Variants in RBM12B observed in about 807,000 individuals in gnomAD.
The protein encoded by RBM12B is RNA-binding protein 12B.
A neutral mutation model predicts 34.3 loss-of-function variants in RBM12B; 10 were observed. That is an observed-to-expected ratio of 0.29 (90% CI 0.18 to 0.49). The LOEUF is 0.49. Among genes scored for constraint, RBM12B ranks in the 20% least tolerant of loss-of-function variants. The probability of loss-of-function intolerance (pLI) is 0.99; values close to 1 mark genes in which losing one functional copy is unlikely to be tolerated. For missense variants in RBM12B, 1,139 were observed against 1,262.7 expected, an observed-to-expected ratio of 0.90 and a Z score of 1.48; for synonymous variants, 477 against 437.1, an observed-to-expected ratio of 1.09 and a Z score of -1.14.
chr8:93,740,458 G>A (rs1033821312), intron 2 of RBM12B, 171 bp downstream of exon 2: 3 of 457,236 alleles, frequency 6.6e-6, no homozygotes, highest in Non-Finnish European at 1.3e-5. Flanking sequence ...CAACCTCCGT[G>A]CCTTTCCGTT....
rs371531032 is a variant in RBM12B, at chr8:93,739,973, C to A, written c.-78+656G>T. On this transcript the variant is annotated intron_variant, in intron 2 of 3. Coordinates refer to ENST00000520560, the MANE Select transcript of RBM12B (RefSeq NM_001377960.1). ...TAAATAAGTAATATCTCATCAGATC[C>A]ATTTGATTTTTAACTAGCGAAGAAA... 2.6e-4 allele frequency: 77 copies of A among 300,098 alleles called. 1 individual carries two copies. Among genetic ancestry groups the A allele is most frequent in the African/African-American group, 1.5e-3 (70 of 45,512 alleles). The allele number at this position is 300,098 out of a possible 1,614,324, so 18.6% of individuals were successfully genotyped here.
At chr8:93,737,531 T>C (rs1812057880) in intron 2 of RBM12B, among the ~76,000 whole-genome samples, 176 bp from the exon 3 acceptor site, 1 of 152,056 alleles carries the variant, frequency 6.6e-6, no homozygotes, top group Non-Finnish European at 1.5e-5. Flanking sequence ...ATCATCCTTC[T>C]GCAAAAAGGA....
rs569814859 is a variant in RBM12B, at chr8:93,733,395, T to C, written c.*10A>G. The C allele has an allele frequency of 2.0e-6, 3 of 1,509,972 alleles. No homozygotes were observed. Among genetic ancestry groups the C allele is most frequent in the East Asian group, 4.6e-5 (2 of 43,846 alleles). 93.5% of individuals were successfully genotyped at this position (1,509,972 alleles called of 1,614,324 possible). A position where few individuals can be genotyped will look rare whatever the true frequency, so the allele number is the denominator to read the frequency against. ...CAAGGAAGATAACTGAATTTAGAAA[T>C]GCTCTCTCTCTACAGCAAAGTTAAC... On this transcript the variant is annotated 3_prime_UTR_variant, in exon 4 of 4. Coordinates refer to ENST00000520560, the MANE Select transcript of RBM12B (RefSeq NM_001377960.1).
rs527737472 is a variant in RBM12B at position 93,730,521 on chromosome 8, G to A, written c.*2884C>T. 2.6e-5 allele frequency: 4 copies of A among 152,290 alleles called. No homozygotes were observed. The highest frequency in any genetic ancestry group is 9.6e-5 in the African/African-American group (4 of 41,556). 9.4% of individuals were successfully genotyped at this position (152,290 alleles called of 1,614,324 possible). A position where few individuals can be genotyped will look rare whatever the true frequency, so the allele number is the denominator to read the frequency against. On this transcript the variant is annotated 3_prime_UTR_variant, in exon 4 of 4. Coordinates refer to ENST00000520560, the MANE Select transcript of RBM12B (RefSeq NM_001377960.1). ...ATAGGAGAGGAAAAACTGGCTATGA[G>A]ACGACAATTACTGAAGCTGAGTGAT...
rs1462779139 is a variant in RBM12B at position 93,734,064 on chromosome 8, G to A, written c.2347C>T (p.Pro783Ser). ...GGCGGCCGCCTGAAATGCTCCTGGG[G>A]CGGTCTCCGGAAGTGCTCCGGGGGC... is the stretch of plus-strand genomic sequence containing the variant. ...RPPPEHFRRP[P>S]QEHFRRPPQE... is the part of the protein sequence containing the mutation. Residue 783 changes from proline (P) to serine (S), a missense_variant, in exon 4 of 4, where the codon CCC becomes TCC. This residue lies in a region of RBM12B where 863 missense variants were observed against 869.5 expected (regional missense o/e 0.99). Coordinates refer to ENST00000520560, the MANE Select transcript of RBM12B (RefSeq NM_001377960.1). 63 of 1,584,218 alleles carry A rather than the reference G, an allele frequency of 4.0e-5. No homozygotes were observed. In the Admixed American group the frequency reaches 1.2e-3, roughly 29 times the overall value.
Position 93,728,365 on chromosome 8 carries a change from C to G in RBM12B, c.*5040G>C. ...AATGACTAAATTGTAGAACTTTATACTCACTTTGCTATGTTAAGCCTCAAA... is the reference window on the plus strand; with the variant it reads ...AATGACTAAATTGTAGAACTTTATAGTCACTTTGCTATGTTAAGCCTCAAA... On this transcript the variant is annotated 3_prime_UTR_variant, in exon 4 of 4. Coordinates refer to ENST00000520560, the MANE Select transcript of RBM12B (RefSeq NM_001377960.1). The G allele has an allele frequency of 9.6e-7, 1 of 1,037,676 alleles. No individual in the cohort carries two copies. The highest frequency in any genetic ancestry group is 1.4e-6 in the Non-Finnish European group (1 of 709,264). 64.3% of individuals were successfully genotyped at this position (1,037,676 alleles called of 1,614,324 possible).
chr8:93,739,681 G>C (rs1812132478), intron 2 of RBM12B, among the ~76,000 whole-genome samples: 1 of 152,062 alleles, frequency 6.6e-6, no homozygotes, highest in Admixed American at 6.5e-5. Flanking sequence ...AAAATTTTGC[G>C]TTTTTCTAGT....
Position 93,733,083 on chromosome 8 carries a change from C to A in RBM12B, c.*322G>T. The A allele has an allele frequency of 5.8e-6, 1 of 173,890 alleles. No homozygotes were observed. The allele number at this position is 173,890 out of a possible 1,614,324, so 10.8% of individuals were successfully genotyped here. On this transcript the variant is annotated 3_prime_UTR_variant, in exon 4 of 4. Transcript: ENST00000520560. ...AAAAGTGAATATAAAATGTATCTTC[C>A]CCAAATACAACTCTACTTCAATAAG...
Position 93,729,659 on chromosome 8 carries a change from C to A in RBM12B, c.*3746G>T, listed in dbSNP as rs941989243. On this transcript the variant is annotated 3_prime_UTR_variant, in exon 4 of 4. Transcript: ENST00000520560. ...AATGTAAAATTTTCATTATTTAGAC[C>A]AGCCTAGGTTGGCAAACTTCTTAAA... The A allele has an allele frequency of 6.6e-6, 1 of 152,090 alleles. No homozygotes were observed. The highest frequency in any genetic ancestry group is 1.5e-5 in the Non-Finnish European group (1 of 67,996). The allele number at this position is 152,090 out of a possible 1,614,324, so 9.4% of individuals were successfully genotyped here.
Position 93,734,704 on chromosome 8 carries a change from C to T in RBM12B, c.1707G>A (p.Pro569=), listed in dbSNP as rs535955041. 1.1e-5 allele frequency: 18 copies of T among 1,613,866 alleles called. No homozygotes were observed. The highest frequency in any genetic ancestry group is 1.1e-4 in the East Asian group (5 of 44,868). The change falls in exon 4 of 4, where the codon CCG becomes CCA. Residue 569 remains proline (P), a synonymous_variant. Transcript: ENST00000520560. ...CCTCTGGGGAGTGCCTGAAGTCCTC[C>T]GGGGGGAACCTAAAGTCCTCTGAGG... The part of the protein sequence containing the change: ...RHSSEDFRFP[P]EDFRHSPEDF...
chr8:93,737,128 A>G (rs369798643), intron 3 of RBM12B, among the ~76,000 whole-genome samples, 179 bp downstream of exon 3: 2 of 152,142 alleles, frequency 1.3e-5, no homozygotes, highest in African/African-American at 2.4e-5. Context: ...CCTGAGCCCA[A>G]TTTGAAATTT....
At position 93,734,463 on chromosome 8, in the gene RBM12B, C is replaced by T. The variant is rs376147670; in HGVS notation, c.1948G>A (p.Asp650Asn). The change falls in exon 4 of 4, where the codon GAC (aspartate) becomes AAC (asparagine). Residue 650 changes from aspartate (D) to asparagine (N), a missense_variant. Asp to Asn is a conservative substitution (Grantham distance 23). This residue lies in a region of RBM12B where 863 missense variants were observed against 869.5 expected (regional missense o/e 0.99). Transcript: ENST00000520560. ...TCCTCCTCAGGGGGTTGCCTGAAGTCCTCCTCGGGGAGCTGCCTGAAGTCC... is the reference window on the plus strand; with the variant it reads ...TCCTCCTCAGGGGGTTGCCTGAAGTTCTCCTCGGGGAGCTGCCTGAAGTCC... Reference protein sequence around the residue: ...TEDFRQLPEEDFRQPPEEDLR... With the variant: ...TEDFRQLPEENFRQPPEEDLR... 1.9e-6 allele frequency: 3 copies of T among 1,605,268 alleles called. No homozygotes were observed. In the African/African-American group the frequency reaches 4.0e-5, roughly 22 times the overall value.
chr8:93,737,920 A>C (rs1279937331), intron 2 of RBM12B, among the ~76,000 whole-genome samples: 1 of 152,178 alleles, frequency 6.6e-6, no homozygotes, highest in Non-Finnish European at 1.5e-5. Context: ...TTCAAAACAT[A>C]AGACCAAATC....
chr8:93,739,637 A>G (rs558884184), intron 2 of RBM12B, among the ~76,000 whole-genome samples: 2 of 152,350 alleles, frequency 1.3e-5, no homozygotes, highest in South Asian at 4.1e-4. Context: ...CACAAAAGCA[A>G]AACACGAAAA....
rs1563661779 is a variant in RBM12B at position 93,735,050 on chromosome 8, G to A, written c.1361C>T (p.Ala454Val). 1 of 1,614,050 alleles carries A rather than the reference G, an allele frequency of 6.2e-7. No individual in the cohort carries two copies. Among genetic ancestry groups the A allele is most frequent in the Non-Finnish European group, 8.5e-7 (1 of 1,180,002 alleles). ...ALVKFKSEEQAMKAERLNRRR... is the reference protein window; with the variant it reads ...ALVKFKSEEQVMKAERLNRRR... ...TCGGTTTAAACGTTCAGCTTTCATG[G>A]CCTGTTCTTCTGATTTAAATTTCAC... The change falls in exon 4 of 4, where the codon GCC becomes GTC. Residue 454 changes from alanine to valine, a missense_variant. Transcript: ENST00000520560.
rs1336106553 is a variant in RBM12B, at chr8:93,735,096, C to A, written c.1315G>T (p.Val439Phe). ...TTCACTAATGCTTCTCCCAGACCAA[C>A]ACCTTTGTCATCATAAAGCAAGTAA... ...DIYLLYDDKG[V>F]GLGEALVKFK... The change falls in exon 4 of 4, where the codon GTT becomes TTT. Residue 439 changes from valine (V) to phenylalanine (F), a missense_variant. Val to Phe is a conservative substitution (Grantham distance 50). Coordinates refer to ENST00000520560, the MANE Select transcript of RBM12B (RefSeq NM_001377960.1). 6.2e-7 allele frequency: 1 copy of A among 1,614,172 alleles called. No homozygotes were observed. The highest frequency in any genetic ancestry group is 2.2e-5 in the East Asian group (1 of 44,882).
chr8:93,728,160 TTAAG>T lies in RBM12B; in HGVS notation c.*5241_*5244del, dbSNP rs753801112. The T allele has an allele frequency of 1.4e-5, 18 of 1,270,128 alleles. No individual in the cohort carries two copies. Among genetic ancestry groups the T allele is most frequent in the Non-Finnish European group, 1.7e-5 (16 of 941,894 alleles). The allele number at this position is 1,270,128 out of a possible 1,614,324, so 78.7% of individuals were successfully genotyped here. A position where few individuals can be genotyped will look rare whatever the true frequency, so the allele number is the denominator to read the frequency against. ...AATATACCAAGAATGTAAAATTTTT[TTAAG>T]TTAGTATTTTTATTTTAAAAAGTGT... On this transcript the variant is annotated 3_prime_UTR_variant, in exon 4 of 4. Transcript: ENST00000520560.
At position 93,734,447 on chromosome 8, in the gene RBM12B, G is replaced by A; in HGVS notation, c.1964C>T (p.Pro655Leu). The A allele has an allele frequency of 1.2e-6, 2 of 1,606,090 alleles. No homozygotes were observed. The highest frequency in any genetic ancestry group is 1.3e-5 in the African/African-American group (1 of 74,724). Residue 655 changes from proline to leucine, a missense_variant, in exon 4 of 4, where the codon CCT (proline) becomes CTT (leucine). By Grantham distance (98) the Pro-to-Leu change is moderately conservative. This residue lies in a region of RBM12B where 863 missense variants were observed against 869.5 expected (regional missense o/e 0.99). Coordinates refer to ENST00000520560, the MANE Select transcript of RBM12B (RefSeq NM_001377960.1). ...TGGGAGCCACCTTAAGTCCTCCTCA[G>A]GGGGTTGCCTGAAGTCCTCCTCGGG... ...QLPEEDFRQP[P>L]EEDLRWLPEE...
In RBM12B at chr8:93,734,560, C is replaced by G. The variant is rs528277998; in HGVS notation, c.1851G>C (p.Glu617Asp). 3.7e-6 allele frequency: 6 copies of G among 1,613,448 alleles called. No individual in the cohort carries two copies. The highest frequency in any genetic ancestry group is 2.2e-5 in the East Asian group (1 of 44,784). The change falls in exon 4 of 4, where the codon GAG (glutamate) becomes GAC (aspartate). Residue 617 changes from glutamate to aspartate, a missense_variant. Glu to Asp is a conservative substitution (Grantham distance 45). Transcript: ENST00000520560. ...PEDDFRHPRE[E>D]DWRRPLEEDW... ...CCTCCTCAAGGGGCCTCCTCCAGTC[C>G]TCCTCCCTAGGGTGCCTGAAGTCAT...
Sources: allele counts gnomAD v4.1 joint callset (sites outside exome capture counted in the v4.1 genomes callset), GRCh38; gene constraint gnomAD v4.1.1; regional missense constraint gnomAD v4.1.1; transcripts MANE v1.5; gene names NCBI Gene and HGNC (gene_info 2026-07-23, HGNC 2026-07-21).